Variants in STIM2 observed in about 807,000 individuals in gnomAD.
The protein encoded by STIM2 is stromal interaction molecule 2.
Under a neutral mutation model 85.8 loss-of-function variants are expected in STIM2, and 31 were observed. That is an observed-to-expected ratio of 0.36 (90% CI 0.27 to 0.49). The LOEUF (loss-of-function observed/expected upper bound fraction) is 0.49, where lower values mean the gene tolerates loss of function less well. Ranked by LOEUF, STIM2 falls within the 20% of genes least tolerant of loss-of-function variation. The pLI, the probability that STIM2 is intolerant of heterozygous loss-of-function variation, is 0.98. For missense variants in STIM2, 841 were observed against 927.6 expected (o/e 0.91, Z 1.21); for synonymous variants, 356 against 331.1 (o/e 1.08, Z -0.82).
Position 27,010,452 on chromosome 4 carries a change from AAAAG to A in STIM2, c.1489+1458_1489+1461del, listed in dbSNP as rs147488070. ...GAGCAAGACTCAGTCTCAAAAAAGA[AAAAG>A]AAAGAAATGCTGTGATCAGATTTAT... On this transcript the variant is annotated intron_variant, in intron 10 of 11. Coordinates refer to ENST00000467087, the MANE Select transcript of STIM2 (RefSeq NM_020860.4). Among the ~76,000 whole-genome samples, 1,476 of 152,332 alleles carry A rather than the reference AAAAG, an allele frequency of 9.7e-3. 24 individuals carry two copies. The highest frequency in any genetic ancestry group is 0.034 in the African/African-American group (1,421 of 41,570).
intron 1 of STIM2, chr4:26,874,069 C>G (rs1181132601): frequency 7.8e-6 from 5 of 639,206 alleles, no homozygotes; most frequent in Non-Finnish European, 1.5e-5. Flanking sequence ...GACTTGGCAC[C>G]TGAGGTACTC....
chr4:26,993,042 A>G (rs1461546118), intron 3 of STIM2, among the ~76,000 whole-genome samples: 1 of 152,108 alleles, frequency 6.6e-6, no homozygotes, highest in Non-Finnish European at 1.5e-5. Context: ...TGAAGTGTTT[A>G]GATCAGGAAT....
intron 1 of STIM2, among the ~76,000 whole-genome samples, chr4:26,918,678 A>G (rs1422172601): frequency 6.6e-6 from 1 of 152,222 alleles, no homozygotes; most frequent in Admixed American, 6.5e-5. Context: ...AAGCTGCGGC[A>G]GTACTTTCCC....
intron 1 of STIM2, among the ~76,000 whole-genome samples, chr4:26,890,822 T>TGA (rs1723446155): frequency 1.0e-5 from 1 of 97,626 alleles, no homozygotes; most frequent in Non-Finnish European, 1.9e-5. Context: ...AGACTCCGTC[T>TGA]CAAAAAAAAA....
intron 2 of STIM2, among the ~76,000 whole-genome samples, chr4:26,937,907 A>G (rs1027701341): frequency 6.6e-6 from 1 of 152,182 alleles, no homozygotes. Context: ...TTTGTATTGT[A>G]TAGCTTGTTT....
At chr4:26,899,432 C>T (rs558634228) in intron 1 of STIM2, among the ~76,000 whole-genome samples, 1 of 152,052 alleles carries the variant, frequency 6.6e-6, no homozygotes, top group African/African-American at 2.4e-5. Context: ...GTTTCACTAC[C>T]TTTTTAAGTA....
At chr4:26,944,841 G>A (rs1725754628) in intron 2 of STIM2, among the ~76,000 whole-genome samples, 2 of 152,152 alleles carry the variant, frequency 1.3e-5, no homozygotes, top group African/African-American at 4.8e-5. Context: ...ATTTGTGAAG[G>A]TGGTTCAATA....
Position 26,861,230 on chromosome 4 carries a change from C to G in STIM2, c.12C>G (p.Leu4=). Residue 4 remains leucine (L), a synonymous_variant, in exon 1 of 12, where the codon CTC becomes CTG. Transcript: ENST00000467087. Reference sequence around the variant, plus strand: ...GGCGCTGGGCTGCGTTGCTGGTGCTCGGGCTGCTGGTAGCCGGAGCGGCGG... The same window carrying G: ...GGCGCTGGGCTGCGTTGCTGGTGCTGGGGCTGCTGGTAGCCGGAGCGGCGG... 1 of 1,493,214 alleles carries G rather than the reference C, an allele frequency of 6.7e-7. No individual in the cohort carries two copies. The highest frequency in any genetic ancestry group is 8.9e-7 in the Non-Finnish European group (1 of 1,128,672). The allele number at this position is 1,493,214 out of a possible 1,614,324, so 92.5% of individuals were successfully genotyped here. A position where few individuals can be genotyped will look rare whatever the true frequency, so the allele number is the denominator to read the frequency against.
chr4:26,894,538 A>G (rs1283844774), intron 1 of STIM2, among the ~76,000 whole-genome samples: 1 of 139,352 alleles, frequency 7.2e-6, no homozygotes, highest in African/African-American at 2.6e-5. Flanking sequence ...TTGCAGCACC[A>G]TTTTTTTTTT....
intron 2 of STIM2, among the ~76,000 whole-genome samples, chr4:26,934,877 A>C (rs11734308): frequency 0.32 from 47,878 of 147,674 alleles, 8,590 homozygotes; most frequent in African/African-American, 0.49. Flanking sequence ...CGCGCCATTG[A>C]ACTACAGCCT....
intron 2 of STIM2, among the ~76,000 whole-genome samples, chr4:26,938,155 A>G (rs1295894464): frequency 6.6e-6 from 1 of 151,472 alleles, no homozygotes; most frequent in Middle Eastern, 3.2e-3. Flanking sequence ...TTTCAGTAGC[A>G]CATTTCTTGG....
chr4:26,962,806 T>A (rs1456855744), intron 3 of STIM2, among the ~76,000 whole-genome samples: 3 of 152,204 alleles, frequency 2.0e-5, no homozygotes, highest in Admixed American at 1.3e-4. Context: ...ATATTTGTTA[T>A]ATACAAGATT....
intron 1 of STIM2, among the ~76,000 whole-genome samples, chr4:26,878,823 GGA>G (rs1224105171): frequency 1.3e-5 from 2 of 152,060 alleles, no homozygotes; most frequent in Non-Finnish European, 2.9e-5. Context: ...CATGGTGGCA[GGA>G]GAGAGAGAGC....
At chr4:26,871,789 C>A (rs1266711156) in intron 1 of STIM2, among the ~76,000 whole-genome samples, 1 of 151,308 alleles carries the variant, frequency 6.6e-6, no homozygotes, top group Admixed American at 6.6e-5. Flanking sequence ...GGCAATCCTC[C>A]CACCTCGGCC....
At chr4:26,891,445 G>T (rs1404459331) in intron 1 of STIM2, among the ~76,000 whole-genome samples, 1 of 152,100 alleles carries the variant, frequency 6.6e-6, no homozygotes, top group East Asian at 1.9e-4. Flanking sequence ...TTTCAGACTT[G>T]TCAGCCTGTA....
Position 27,013,146 on chromosome 4 carries a change from G to A in STIM2, c.1489+4144G>A, listed in dbSNP as rs116225801. Among the ~76,000 whole-genome samples, 541 of 150,558 alleles carry A rather than the reference G, an allele frequency of 3.6e-3. 3 individuals carry two copies. Among genetic ancestry groups the A allele is most frequent in the African/African-American group, 0.013 (522 of 41,010 alleles). On this transcript the variant is annotated intron_variant, in intron 10 of 11. Transcript: ENST00000467087. ...TTAACATCATAAAATAAATGAAAGAGTAGTCCCCCTCTGCCCATATATGTG... is the reference window on the plus strand; with the variant it reads ...TTAACATCATAAAATAAATGAAAGAATAGTCCCCCTCTGCCCATATATGTG...
chr4:27,009,251 A>G (rs1728480412), intron 10 of STIM2, among the ~76,000 whole-genome samples: 1 of 152,152 alleles, frequency 6.6e-6, no homozygotes, highest in Admixed American at 6.5e-5. Context: ...TGAATGCTTT[A>G]TAAATTTGAT....
chr4:26,973,164 A>C (rs1727034210), intron 3 of STIM2, among the ~76,000 whole-genome samples: 1 of 151,624 alleles, frequency 6.6e-6, no homozygotes, highest in Admixed American at 6.6e-5. Flanking sequence ...GCAGTCTATC[A>C]ATTTTGTTGA....
Position 27,002,324 on chromosome 4 carries a change from G to A in STIM2, c.733G>A (p.Val245Ile), listed in dbSNP as rs542227268. Reference sequence around the variant, plus strand: ...GCAGAATAAGACATCAAAAGAACATGTTGCAAAAATGATGAAAGATTTAGA... The same window carrying A: ...GCAGAATAAGACATCAAAAGAACATATTGCAAAAATGATGAAAGATTTAGA... Residue 245 changes from valine to isoleucine, a missense_variant, in exon 6 of 12, where the codon GTT becomes ATT. Physicochemically the swap from Val to Ile is conservative, Grantham distance 29 (BLOSUM62 3). Transcript: ENST00000467087. 6.2e-7 allele frequency: 1 copy of A among 1,613,450 alleles called. No individual in the cohort carries two copies. Among genetic ancestry groups the A allele is most frequent in the Admixed American group, 1.7e-5 (1 of 59,982 alleles).
Sources: gnomAD v4.1 joint callset for allele counts (sites outside exome capture counted in the v4.1 genomes callset) on GRCh38, gnomAD v4.1.1 for gene constraint, MANE v1.5 for transcripts, NCBI Gene and HGNC (gene_info 2026-07-23, HGNC 2026-07-21) for gene names.